Variants in PCDH15 observed in about 807,000 individuals in gnomAD.
PCDH15 encodes the protein protocadherin related 15.
PCDH15 carries 129 observed loss-of-function variants against 178.5 expected under a neutral mutation model. The observed-to-expected ratio is 0.72, with a 90% CI of 0.63 to 0.84. The LOEUF (loss-of-function observed/expected upper bound fraction) is 0.84, where lower values mean the gene tolerates loss of function less well. Among genes scored for constraint, PCDH15 ranks in the 40% least tolerant of loss-of-function variants. PCDH15 has a pLI of 0.00. For missense variants in PCDH15, 2,230 were observed against 2,099.9 expected, an observed-to-expected ratio of 1.06 and a Z score of -1.21; for synonymous variants, 800 against 732.0, an observed-to-expected ratio of 1.09 and a Z score of -1.50.
rs145089651 is a variant in PCDH15, at chr10:54,556,866, C to G, written c.92-28989G>C. On this transcript the variant is annotated intron_variant, in intron 2 of 37. Coordinates refer to ENST00000644397, the MANE Select transcript of PCDH15 (RefSeq NM_001384140.1). ...GCTGTAGGGGTGTGTCTCTGTGTGCCCTGGGAGTGGCAGGGTTGGGGTTGG... is the reference window on the plus strand; with the variant it reads ...GCTGTAGGGGTGTGTCTCTGTGTGCGCTGGGAGTGGCAGGGTTGGGGTTGG... 5.9e-5 allele frequency among the ~76,000 whole-genome samples: 9 copies of G among 151,592 alleles called. No homozygotes were observed. The East Asian group carries it at 1.7e-3, about 29-fold the overall frequency.
chr10:54,537,021 G>C (rs1426556177), intron 2 of PCDH15, among the ~76,000 whole-genome samples: 1 of 57,516 alleles, frequency 1.7e-5, no homozygotes, highest in African/African-American at 7.7e-5. Flanking sequence ...TTTTTTTTGA[G>C]ACGGCGTCTC....
At chr10:54,644,204 T>G (rs573159776) in intron 2 of PCDH15, among the ~76,000 whole-genome samples, 26 of 151,302 alleles carry the variant, frequency 1.7e-4, no homozygotes, top group African/African-American at 6.3e-4. Context: ...CACATTTTCT[T>G]AATCCTAACA....
intron 3 of PCDH15, among the ~76,000 whole-genome samples, chr10:54,420,843 G>A (rs1758831): frequency 0.21 from 31,972 of 151,808 alleles, 4,259 homozygotes; most frequent in African/African-American, 0.38. Context: ...TAATAAATAT[G>A]ATATGCATAA....
intron 14 of PCDH15, among the ~76,000 whole-genome samples, chr10:54,151,017 A>G (rs573031377): frequency 1.3e-5 from 2 of 152,194 alleles, no homozygotes; most frequent in Non-Finnish European, 2.9e-5. Context: ...CAACTCAAGA[A>G]GAAAAGTCAT....
rs79692166 is a variant in PCDH15, at chr10:54,594,391, T to C, written c.92-66514A>G. 4.4e-3 allele frequency among the ~76,000 whole-genome samples: 673 copies of C among 152,188 alleles called. 20 individuals carry two copies. The East Asian group carries it at 0.073, about 17-fold the overall frequency. The stretch of plus-strand genomic sequence containing the variant: ...CTGTAGAGCAGTCTTGCCCATGAGA[T>C]GAGCCAGGCCCCCTGAGCACCCTTT... On this transcript the variant is annotated intron_variant, in intron 2 of 37. Transcript: ENST00000644397.
chr10:54,407,494 G>A (rs1210984314), intron 3 of PCDH15, among the ~76,000 whole-genome samples: 1 of 151,920 alleles, frequency 6.6e-6, no homozygotes, highest in East Asian at 1.9e-4. Context: ...GTTTGTTATG[G>A]CATTCAATTT....
intron 3 of PCDH15, among the ~76,000 whole-genome samples, chr10:54,425,734 G>A (rs1245277126): frequency 6.6e-6 from 1 of 152,132 alleles, no homozygotes; most frequent in South Asian, 2.1e-4. Context: ...TTTAAACCAA[G>A]TCCTATTTGT....
intron 13 of PCDH15, among the ~76,000 whole-genome samples, chr10:54,153,578 GA>G (rs974725137): frequency 6.6e-6 from 1 of 152,060 alleles, no homozygotes; most frequent in Non-Finnish European, 1.5e-5. Flanking sequence ...TTAATAAAGG[GA>G]AAAAGAGGAA....
At chr10:54,518,942 C>T (rs1338754309) in intron 3 of PCDH15, among the ~76,000 whole-genome samples, 1 of 152,144 alleles carries the variant, frequency 6.6e-6, no homozygotes. Flanking sequence ...AGCATATAAA[C>T]AGATCCAAAG....
chr10:55,408,343 G>C (rs1588997802), intron 2 of PCDH15, among the ~76,000 whole-genome samples: 1 of 151,758 alleles, frequency 6.6e-6, no homozygotes, highest in African/African-American at 2.4e-5. Flanking sequence ...CTGCCACCAC[G>C]CCCTACTATT....
At chr10:54,838,279 G>T (rs1240390435) in intron 3 of PCDH15, among the ~76,000 whole-genome samples, 1 of 152,074 alleles carries the variant, frequency 6.6e-6, no homozygotes, top group Admixed American at 6.6e-5. Flanking sequence ...AGACTAGATG[G>T]AGATAATTGA....
intron 2 of PCDH15, among the ~76,000 whole-genome samples, chr10:55,597,451 A>G (rs1342126949): frequency 5.3e-5 from 8 of 152,064 alleles, no homozygotes; most frequent in African/African-American, 1.7e-4. Context: ...CAGAACCCTA[A>G]AAATCATAAT....
chr10:54,981,386 T>G (rs1009885907), intron 2 of PCDH15, among the ~76,000 whole-genome samples: 6 of 152,164 alleles, frequency 3.9e-5, no homozygotes, highest in Admixed American at 3.9e-4. Context: ...AAAATTCTGA[T>G]GAATACAATT....
chr10:54,344,791 C>T (rs1202016907), intron 6 of PCDH15, among the ~76,000 whole-genome samples: 1 of 150,020 alleles, frequency 6.7e-6, no homozygotes, highest in Non-Finnish European at 1.5e-5. Context: ...CTTCCCACTT[C>T]ATTTCTTATG....
chr10:55,050,641 C>CATATCCTCTACATTGAGGAT (rs1841137747), intron 2 of PCDH15, among the ~76,000 whole-genome samples: 1 of 152,034 alleles, frequency 6.6e-6, no homozygotes, highest in South Asian at 2.1e-4. Flanking sequence ...GCTGTATTGG[C>CATATCCTCTACATTGAGGAT]ATATCCTCTA....
chr10:54,882,010 CTATA>C (rs1300307973), intron 3 of PCDH15, among the ~76,000 whole-genome samples: 1 of 152,050 alleles, frequency 6.6e-6, no homozygotes, highest in Non-Finnish European at 1.5e-5. Flanking sequence ...TTGTTCCCAT[CTATA>C]TTGTCAGAGT....
intron 8 of PCDH15, among the ~76,000 whole-genome samples, chr10:54,283,538 C>A (rs2891512): frequency 0.72 from 109,603 of 151,904 alleles, 40,461 homozygotes; most frequent in Middle Eastern, 0.83. Flanking sequence ...AGCTAGCTAG[C>A]TAGATAGATA....
In PCDH15 at chr10:54,346,423, A is replaced by G. The variant is rs750822290; in HGVS notation, c.536T>C (p.Ile179Thr). 2.5e-6 allele frequency: 4 copies of G among 1,613,584 alleles called. No homozygotes were observed. Among genetic ancestry groups the G allele is most frequent in the Non-Finnish European group, 3.4e-6 (4 of 1,179,680 alleles). The change falls in exon 6 of 38, where the codon ATA (isoleucine) becomes ACA (threonine). Residue 179 changes from isoleucine to threonine, a missense_variant. Coordinates refer to ENST00000644397, the MANE Select transcript of PCDH15 (RefSeq NM_001384140.1). ...TATCTGTCCATTTGGTCCATCATCTATATCTGTAGCTCCATTGTCTCCTGA... is the reference window on the plus strand; with the variant it reads ...TATCTGTCCATTTGGTCCATCATCTGTATCTGTAGCTCCATTGTCTCCTGA... Reference protein sequence around the residue: ...GFSGDNGATDIDDGPNGQIEY... With the variant: ...GFSGDNGATDTDDGPNGQIEY...
intron 1 of PCDH15, among the ~76,000 whole-genome samples, chr10:55,210,618 CTTTTTTTTTTTTTTTTTTTTTT>C (rs11412877): frequency 1.5e-4 from 6 of 40,332 alleles, no homozygotes; most frequent in African/African-American, 6.9e-4. Flanking sequence ...TTTTTCTTTT[CTTTTTTTTTTTTTTTTTTTTTT>C]TTTTTTTTTG....
Sources: gnomAD v4.1 joint callset for allele counts (sites outside exome capture counted in the v4.1 genomes callset) on GRCh38, gnomAD v4.1.1 for gene constraint, MANE v1.5 for transcripts, NCBI Gene and HGNC (gene_info 2026-07-23, HGNC 2026-07-21) for gene names.